SLC8A1: variants seen among roughly 807,000 people sequenced by gnomAD.
SLC8A1 encodes sodium/calcium exchanger 1.
In SLC8A1, 18 loss-of-function variants were observed where a neutral mutation model predicts 68.3. That is an observed-to-expected ratio of 0.26 (90% confidence interval 0.18 to 0.39). SLC8A1 has a LOEUF of 0.39. Ranked by LOEUF, SLC8A1 falls within the 10% of genes least tolerant of loss-of-function variation. SLC8A1 has a pLI of 1.00. For missense variants in SLC8A1, 985 were observed against 1,156.7 expected (o/e 0.85, Z 2.15); for synonymous variants, 475 against 415.5 (o/e 1.14, Z -1.74).
At chr2:40,479,688 A>T (rs1373912978) in intron 1 of SLC8A1, among the ~76,000 whole-genome samples, 1 of 152,222 alleles carries the variant, frequency 6.6e-6, no homozygotes, top group Non-Finnish European at 1.5e-5. Flanking sequence ...GGGGAAGGTA[A>T]GTACCAAAGT....
At chr2:40,097,514 C>T (rs533466815) in exon 8 of SLC8A1, 6 of 151,988 alleles carry the variant, frequency 3.9e-5, no homozygotes, top group South Asian at 4.2e-4. Context: ...TGGGTTATAA[C>T]ATGTATAATT....
chr2:40,272,397 C>G (rs766216704), intron 2 of SLC8A1, among the ~76,000 whole-genome samples: 15 of 152,234 alleles, frequency 9.9e-5, no homozygotes, highest in Non-Finnish European at 2.1e-4. Context: ...CCACTACTCT[C>G]TCCCTCCTAC....
intron 2 of SLC8A1, among the ~76,000 whole-genome samples, chr2:40,426,429 T>G (rs1696867303): frequency 6.6e-6 from 1 of 152,056 alleles, no homozygotes; most frequent in Non-Finnish European, 1.5e-5. Context: ...CCAATTTAAT[T>G]GCATAGGATG....
chr2:40,348,348 T>C (rs1416327172), intron 2 of SLC8A1, among the ~76,000 whole-genome samples: 1 of 152,148 alleles, frequency 6.6e-6, no homozygotes. Flanking sequence ...GTCTTGAGAA[T>C]TGTTAGGGAA....
chr2:40,497,161 A>G (rs1705766563), intron 1 of SLC8A1, among the ~76,000 whole-genome samples: 1 of 152,144 alleles, frequency 6.6e-6, no homozygotes. Flanking sequence ...GTTTAACAGC[A>G]TGGAGTTAAA....
chr2:40,131,602 T>C (rs2039345857), intron 7 of SLC8A1, among the ~76,000 whole-genome samples: 2 of 152,168 alleles, frequency 1.3e-5, no homozygotes, highest in Admixed American at 6.5e-5. Context: ...TATTAACCTC[T>C]ATGGTTCCCA....
At chr2:40,250,689 C>G (rs2062601767) in intron 2 of SLC8A1, among the ~76,000 whole-genome samples, 1 of 152,058 alleles carries the variant, frequency 6.6e-6, no homozygotes, top group Non-Finnish European at 1.5e-5. Context: ...TTCTCCTAGC[C>G]AAGGATGTGA....
intron 2 of SLC8A1, among the ~76,000 whole-genome samples, chr2:40,397,369 GAAT>G (rs1376276322): frequency 6.6e-6 from 1 of 152,160 alleles, no homozygotes; most frequent in Non-Finnish European, 1.5e-5. Context: ...TTCCAACATG[GAAT>G]AATTGGCTTG....
chr2:40,284,003 A>C (rs957284133), intron 2 of SLC8A1, among the ~76,000 whole-genome samples: 1 of 152,176 alleles, frequency 6.6e-6, no homozygotes, highest in Non-Finnish European at 1.5e-5. Context: ...CTAGTGGTTT[A>C]GGAGAAGCAG....
At chr2:40,334,028 CAA>C (rs1329881470) in intron 2 of SLC8A1, among the ~76,000 whole-genome samples, 2 of 152,076 alleles carry the variant, frequency 1.3e-5, no homozygotes, top group African/African-American at 4.8e-5. Context: ...GCCTGGGCAA[CAA>C]GAGAGAAACT....
chr2:40,120,613 G>A (rs919088578), intron 7 of SLC8A1: 1 of 152,060 alleles, frequency 6.6e-6, no homozygotes, highest in African/African-American at 2.4e-5. Context: ...ATAGGAGTTT[G>A]TACATAACCA....
At chr2:40,263,394 A>G (rs2064956575) in intron 2 of SLC8A1, among the ~76,000 whole-genome samples, 1 of 152,242 alleles carries the variant, frequency 6.6e-6, no homozygotes, top group African/African-American at 2.4e-5. Flanking sequence ...CACATTGCCA[A>G]GTCAACCCCA....
rs549371693 is a variant in SLC8A1, at chr2:40,157,848, C to T, written c.2161+2917G>A. On this transcript the variant is annotated intron_variant, in intron 6 of 7. Transcript: ENST00000406785. ...TGTAACTGCTTAATCGCTTCCTAAT[C>T]TCTGGATTCTCATAAATCCTTTAAC... is the stretch of plus-strand genomic sequence containing the variant. Among the ~76,000 whole-genome samples the T allele has an allele frequency of 7.2e-5, 11 of 152,274 alleles. No individual in the cohort carries two copies. In the East Asian group the frequency reaches 1.2e-3, roughly 16 times the overall value.
intron 2 of SLC8A1, among the ~76,000 whole-genome samples, chr2:40,315,899 G>C (rs561951066): frequency 5.9e-5 from 9 of 152,128 alleles, no homozygotes; most frequent in Non-Finnish European, 1.3e-4. Context: ...TCACTGGTAT[G>C]TGTCATGAAA....
At chr2:40,312,622 T>C (rs2073880647) in intron 2 of SLC8A1, among the ~76,000 whole-genome samples, 1 of 152,158 alleles carries the variant, frequency 6.6e-6, no homozygotes, top group South Asian at 2.1e-4. Flanking sequence ...CATAAGTTTC[T>C]ATAAGGATGG....
chr2:40,471,074 G>A (rs1703963091), intron 1 of SLC8A1, among the ~76,000 whole-genome samples: 1 of 152,152 alleles, frequency 6.6e-6, no homozygotes, highest in African/African-American at 2.4e-5. Context: ...ATTTTACACT[G>A]AAGTGGCTGC....
intron 1 of SLC8A1, among the ~76,000 whole-genome samples, chr2:40,450,665 T>A (rs1361900672): frequency 1.3e-5 from 2 of 152,194 alleles, no homozygotes; most frequent in Admixed American, 1.3e-4. Flanking sequence ...TTTTTCTCTT[T>A]TTAGTCTTTA....
chr2:40,304,255 T>C (rs975474753), intron 2 of SLC8A1, among the ~76,000 whole-genome samples: 2 of 152,192 alleles, frequency 1.3e-5, no homozygotes, highest in African/African-American at 4.8e-5. Flanking sequence ...ATTTGCCCTT[T>C]TAATTAGAGT....
chr2:40,483,407 G>T (rs1490493158), intron 1 of SLC8A1, among the ~76,000 whole-genome samples: 2 of 152,062 alleles, frequency 1.3e-5, no homozygotes, highest in Non-Finnish European at 2.9e-5. Flanking sequence ...GAGGGTGGGT[G>T]AGATAGGTAT....
Sources: allele counts gnomAD v4.1 joint callset (sites outside exome capture counted in the v4.1 genomes callset), GRCh38; gene constraint gnomAD v4.1.1; transcripts MANE v1.5; gene names NCBI Gene and HGNC (gene_info 2026-07-23, HGNC 2026-07-21).